Variants in SDAD1 observed in about 807,000 individuals in gnomAD.
SDAD1 encodes the protein SDA1 domain containing 1, also known as protein SDA1 homolog.
In SDAD1, 79 loss-of-function variants were observed where a neutral mutation model predicts 100.3. The observed-to-expected ratio is 0.79, with a 90% CI of 0.66 to 0.95. The LOEUF is 0.95. Ranked by LOEUF, SDAD1 falls within the 40% of genes least tolerant of loss-of-function variation. SDAD1 has a pLI of 0.00. For synonymous variants in SDAD1, 267 were observed against 271.4 expected (o/e 0.98, Z 0.16); for missense variants, 790 against 810.9 (o/e 0.97, Z 0.31).
At position 75,961,066 on chromosome 4, in the gene SDAD1, G is replaced by A. The variant is rs371779378; in HGVS notation, c.1318C>T (p.Arg440Ter). ...TGCAGCATCTGAGGATTCAGTGTTC[G>A]GAAGAGGTGAATCAAAGTTCTAGCA... ...MSARTLIHLFRTLNPQMLQKK... is the reference protein window; with the variant it reads ...MSARTLIHLF The change falls in exon 16 of 22, where the codon CGA becomes TGA. Residue 440 changes from arginine (R) to a stop codon, truncating the protein, a stop_gained. Transcript: ENST00000356260. LOFTEE classifies it high-confidence loss of function. 6.8e-6 allele frequency: 11 copies of A among 1,613,804 alleles called. No individual in the cohort carries two copies. The highest frequency in any genetic ancestry group is 1.7e-5 in the Admixed American group (1 of 59,998).
intron 16 of SDAD1, 119 bp from the exon 17 acceptor site, chr4:75,960,311 C>T: frequency 3.1e-6 from 3 of 974,350 alleles, no homozygotes; most frequent in South Asian, 4.0e-5. Context: ...GGGTCTTGCT[C>T]TGTTGCCCAG....
In SDAD1 at chr4:75,973,359, C is replaced by A; in HGVS notation, c.669G>T (p.Gly223=). ...TGTCCTGTTTTTCATCTTCATCTTT[C>A]CCAAGAAAGAATGTCAAAGCGGCAA... ...ILVAALTFFL[G]KDEDEKQDSD... Residue 223 remains glycine (G), a synonymous_variant, in exon 8 of 22, where the codon GGG becomes GGT. Transcript: ENST00000356260. 1 of 1,613,676 alleles carries A rather than the reference C, an allele frequency of 6.2e-7. No individual in the cohort carries two copies. The highest frequency in any genetic ancestry group is 1.3e-5 in the African/African-American group (1 of 75,012).
chr4:75,962,559 T>C (rs1054270115), intron 14 of SDAD1, among the ~76,000 whole-genome samples: 6 of 152,334 alleles, frequency 3.9e-5, no homozygotes, highest in Middle Eastern at 3.4e-3. Context: ...CTCCAGCACC[T>C]ATCGTTTCCT....
chr4:75,954,735 C>A (rs1173267006), intron 21 of SDAD1, among the ~76,000 whole-genome samples: 2 of 152,158 alleles, frequency 1.3e-5, no homozygotes, highest in East Asian at 3.9e-4. Context: ...TGATGTGCTT[C>A]CCCCTGCAGA....
intron 7 of SDAD1, 62 bp from the exon 8 acceptor site, chr4:75,973,453 T>C (rs1729981482): frequency 8.3e-7 from 1 of 1,201,076 alleles, no homozygotes; most frequent in Non-Finnish European, 1.2e-6. Context: ...AATAAATCCT[T>C]TTGAGTATGC....
chr4:75,975,082 T>C (rs1270057546), intron 6 of SDAD1, among the ~76,000 whole-genome samples: 1 of 151,500 alleles, frequency 6.6e-6, no homozygotes, highest in Non-Finnish European at 1.5e-5. Context: ...AAATAAAAAC[T>C]GTAATACAGA....
At chr4:75,970,125 G>A (rs969609776) in intron 10 of SDAD1, among the ~76,000 whole-genome samples, 184 bp downstream of exon 10, 8 of 151,936 alleles carry the variant, frequency 5.3e-5, no homozygotes, top group African/African-American at 4.8e-5. Context: ...CTTGTTCTGC[G>A]ATAGACTGGG....
chr4:75,978,234 G>A (rs1241061536), intron 3 of SDAD1, among the ~76,000 whole-genome samples: 1 of 99,880 alleles, frequency 1.0e-5, no homozygotes, highest in African/African-American at 3.9e-5. Context: ...CCTGCCCCCC[G>A]CCTTTTTTTT....
chr4:75,984,778 A>ACACACACACAC (rs1730779567), intron 1 of SDAD1, among the ~76,000 whole-genome samples: 147 of 137,012 alleles, frequency 1.1e-3, no homozygotes, highest in East Asian at 2.5e-3. Context: ...CACACACACA[A>ACACACACACAC]ACACACACAC....
chr4:75,968,375 G>GTT lies in SDAD1; in HGVS notation c.987+919_987+920dup, dbSNP rs568645234. On this transcript the variant is annotated intron_variant, in intron 11 of 21. Transcript: ENST00000356260. Reference sequence around the variant, plus strand: ...TATATGTCTATATTGTTTGAAAAGTGTTTTTCTTTTCTTTTCTTTTGGTTT... The same window carrying GTT: ...TATATGTCTATATTGTTTGAAAAGTGTTTTTTTCTTTTCTTTTCTTTTGGTTT... Among the ~76,000 whole-genome samples the GTT allele has an allele frequency of 1.0e-3, 155 of 152,186 alleles. 1 individual carries two copies. The highest frequency in any genetic ancestry group is 1.9e-3 in the Non-Finnish European group (132 of 67,994).
intron 1 of SDAD1, 46 bp downstream of exon 1, chr4:75,990,706 A>G (rs978878347): frequency 8.1e-6 from 13 of 1,611,818 alleles, no homozygotes; most frequent in Non-Finnish European, 1.1e-5. Flanking sequence ...CGGCGTCTCA[A>G]CCATCCACTA....
intron 9 of SDAD1, 86 bp downstream of exon 9, chr4:75,971,271 A>AT: frequency 1.1e-6 from 1 of 914,202 alleles, no homozygotes; most frequent in East Asian, 2.4e-5. Context: ...TGGTACTCTG[A>AT]TTTTAAATTC....
chr4:75,986,947 G>A (rs1192440938), intron 1 of SDAD1, among the ~76,000 whole-genome samples: 5 of 152,114 alleles, frequency 3.3e-5, no homozygotes, highest in African/African-American at 9.7e-5. Context: ...GAGCCCAGGA[G>A]GTTGAGGCTG....
rs771947525 is a variant in SDAD1 at position 75,990,800 on chromosome 4, C to A, written c.42G>T (p.Pro14=). 3.7e-6 allele frequency: 6 copies of A among 1,614,032 alleles called. No homozygotes were observed. In the African/African-American group the frequency reaches 8.0e-5, roughly 22 times the overall value. The change falls in exon 1 of 22, where the codon CCG becomes CCT. Residue 14 remains proline, a synonymous_variant. Coordinates refer to ENST00000356260, the MANE Select transcript of SDAD1 (RefSeq NM_018115.4). ...RNNNKLPSNL[P]QLQNLIKRDP... is the part of the protein sequence containing the mutation. ...CTCGCTTGATTAGATTCTGTAACTG[C>A]GGCAGGTTGCTGGGAAGCTTGTTGT... is the stretch of plus-strand genomic sequence containing the variant.
chr4:75,968,658 T>C (rs1449469525), intron 11 of SDAD1, among the ~76,000 whole-genome samples: 1 of 152,130 alleles, frequency 6.6e-6, no homozygotes, highest in Non-Finnish European at 1.5e-5. Context: ...CAGTGAGATG[T>C]AGTAAGTCAA....
chr4:75,988,215 G>A (rs538838517), intron 1 of SDAD1, among the ~76,000 whole-genome samples: 1 of 152,240 alleles, frequency 6.6e-6, no homozygotes, highest in South Asian at 2.1e-4. Flanking sequence ...TTCTCATATA[G>A]GGTGGTTCAT....
At chr4:75,990,602 C>CAAA in intron 1 of SDAD1, 150 bp downstream of exon 1, 1 of 1,558,236 alleles carries the variant, frequency 6.4e-7, no homozygotes, top group Non-Finnish European at 8.7e-7. Flanking sequence ...ATGTCCCGTC[C>CAAA]CCAACCCCTT....
At chr4:75,966,503 C>T (rs1578127214) in intron 12 of SDAD1, among the ~76,000 whole-genome samples, 1 of 152,214 alleles carries the variant, frequency 6.6e-6, no homozygotes, top group East Asian at 1.9e-4. Context: ...TAGCACAGTG[C>T]TTGGTCCATG....
intron 8 of SDAD1, among the ~76,000 whole-genome samples, chr4:75,972,773 G>A (rs28662802): frequency 0.018 from 2,778 of 150,530 alleles, 95 homozygotes; most frequent in African/African-American, 0.065. Flanking sequence ...TGTTATCCCA[G>A]CACTTTGGGA....
Sources: gnomAD v4.1 joint callset for allele counts (sites outside exome capture counted in the v4.1 genomes callset) on GRCh38, gnomAD v4.1.1 for gene constraint, MANE v1.5 for transcripts, NCBI Gene and HGNC (gene_info 2026-07-23, HGNC 2026-07-21) for gene names.